Variants in ZCCHC14 observed in about 807,000 individuals in gnomAD.
The protein encoded by ZCCHC14 is zinc finger CCHC-type containing 14.
ZCCHC14 carries 16 observed loss-of-function variants against 85.0 expected under a neutral mutation model. The ratio of observed to expected loss-of-function variants is 0.19; its 90% CI spans 0.13 to 0.29. The LOEUF (loss-of-function observed/expected upper bound fraction) is 0.29. Ranked by LOEUF, ZCCHC14 falls within the 10% of genes least tolerant of loss-of-function variation. The pLI is 1.00. For synonymous variants in ZCCHC14, 775 were observed against 630.7 expected, an observed-to-expected ratio of 1.23 and a Z score of -3.43; for missense variants, 1,303 against 1,443.5, an observed-to-expected ratio of 0.90 and a Z score of 1.58.
At chr16:87,434,894 G>A (rs1433685626) in intron 2 of ZCCHC14, among the ~76,000 whole-genome samples, 1 of 151,100 alleles carries the variant, frequency 6.6e-6, no homozygotes, top group Non-Finnish European at 1.5e-5. Flanking sequence ...GGGAGGCTGA[G>A]GCAGGAGAAT....
intron 1 of ZCCHC14, among the ~76,000 whole-genome samples, chr16:87,477,237 G>GA (rs1255954670): frequency 2.0e-5 from 3 of 150,260 alleles, no homozygotes; most frequent in African/African-American, 7.4e-5. Context: ...ACCTTTAAAT[G>GA]AAAAGAAAAA....
At chr16:87,459,713 T>C (rs749683789) in intron 2 of ZCCHC14, among the ~76,000 whole-genome samples, 1 of 152,122 alleles carries the variant, frequency 6.6e-6, no homozygotes, top group Non-Finnish European at 1.5e-5. Context: ...TTCTTCATGT[T>C]GGTCAGGCTG....
intron 8 of ZCCHC14, among the ~76,000 whole-genome samples, chr16:87,416,642 G>C (rs564771928): frequency 6.6e-6 from 1 of 152,190 alleles, no homozygotes; most frequent in Non-Finnish European, 1.5e-5. Context: ...TGTAATCCCA[G>C]CTATTCAGGA....
intron 1 of ZCCHC14, chr16:87,472,613 A>G (rs1258114949): frequency 2.6e-5 from 4 of 152,416 alleles, no homozygotes; most frequent in Admixed American, 2.6e-4. Context: ...CAGAAGCAAC[A>G]CTGACAGGAC....
Position 87,412,683 on chromosome 16 carries a change from A to T in ZCCHC14, c.2038T>A (p.Ser680Thr). Reference sequence around the variant, plus strand: ...ACTTTCATGCTGCTTCTTGGTCCAGATCCTTTATTCCTTTCTTCTAGAGAC... The same window carrying T: ...ACTTTCATGCTGCTTCTTGGTCCAGTTCCTTTATTCCTTTCTTCTAGAGAC... ...LLSLEERNKG[S>T]GPRSSMKVDK... The change falls in exon 12 of 13, where the codon TCT becomes ACT. Residue 680 changes from serine to threonine, a missense_variant. Transcript: ENST00000671377. 2 of 1,614,200 alleles carry T rather than the reference A, an allele frequency of 1.2e-6. No homozygotes were observed. Among genetic ancestry groups the T allele is most frequent in the Non-Finnish European group, 1.7e-6 (2 of 1,180,040 alleles).
At chr16:87,453,770 G>C (rs927203035) in intron 2 of ZCCHC14, among the ~76,000 whole-genome samples, 6 of 152,210 alleles carry the variant, frequency 3.9e-5, no homozygotes, top group African/African-American at 1.2e-4. Flanking sequence ...TCTAGAATTA[G>C]ACATTCATAA....
At position 87,462,914 on chromosome 16, in the gene ZCCHC14, C is replaced by T. The variant is rs371190303; in HGVS notation, c.571-2783G>A. Among the ~76,000 whole-genome samples the T allele has an allele frequency of 1.7e-4, 25 of 148,690 alleles. No homozygotes were observed. The South Asian group carries it at 2.8e-3, about 17-fold the overall frequency. On this transcript the variant is annotated intron_variant, in intron 1 of 12. Transcript: ENST00000671377. Reference sequence around the variant, plus strand: ...GTGAAACCCGTCTCTACTAAAAATACGAAATTAGCCAGGCATGGTGGCGCA... The same window carrying T: ...GTGAAACCCGTCTCTACTAAAAATATGAAATTAGCCAGGCATGGTGGCGCA...
At chr16:87,421,044 G>A (rs1909069067) in intron 4 of ZCCHC14, among the ~76,000 whole-genome samples, 1 of 152,242 alleles carries the variant, frequency 6.6e-6, no homozygotes, top group Admixed American at 6.5e-5. Context: ...CAGGGCACAA[G>A]GCCCTGGTGG....
intron 2 of ZCCHC14, among the ~76,000 whole-genome samples, chr16:87,442,227 G>C (rs1910220385): frequency 2.0e-5 from 3 of 152,162 alleles, no homozygotes; most frequent in South Asian, 2.1e-4. Context: ...CAAAGGACGA[G>C]GCCAAACAGC....
intron 3 of ZCCHC14, among the ~76,000 whole-genome samples, chr16:87,426,205 A>G (rs2150732968): frequency 6.6e-6 from 1 of 152,274 alleles, no homozygotes; most frequent in East Asian, 1.9e-4. Flanking sequence ...TCACCTGCCG[A>G]CTTGCCCCAG....
intron 1 of ZCCHC14, among the ~76,000 whole-genome samples, chr16:87,486,621 G>A (rs1383283944): frequency 6.6e-6 from 1 of 152,090 alleles, no homozygotes; most frequent in African/African-American, 2.4e-5. Flanking sequence ...ACTTTACTAT[G>A]AAACAGGACA....
intron 2 of ZCCHC14, among the ~76,000 whole-genome samples, chr16:87,450,230 G>C (rs1395734297): frequency 6.6e-6 from 1 of 152,192 alleles, no homozygotes; most frequent in Non-Finnish European, 1.5e-5. Context: ...TTGGAAAACT[G>C]TGTTCTTAAG....
rs912351908 is a variant in ZCCHC14, at chr16:87,492,526, G to A, written c.-288C>T. On this transcript the variant is annotated 5_prime_UTR_variant, in exon 1 of 13. Transcript: ENST00000671377. The surrounding 1 kb of genome is among the most constrained non-coding windows in gnomAD (Gnocchi z 6.7). ...GGCGGCGAGCGGCCTCGGGCCCCCC[G>A]CTCACGGGGAGGCGCCTTCCCCGCG... 21 of 141,752 alleles carry A rather than the reference G, an allele frequency of 1.5e-4. No homozygotes were observed. Among genetic ancestry groups the A allele is most frequent in the Non-Finnish European group, 2.3e-4 (15 of 64,784 alleles). The allele number at this position is 141,752 out of a possible 1,614,324, so 8.8% of individuals were successfully genotyped here. A position where few individuals can be genotyped will look rare whatever the true frequency, so the allele number is the denominator to read the frequency against.
rs778712332 is a variant in ZCCHC14 at position 87,413,190 on chromosome 16, G to A, written c.1609C>T (p.Arg537Trp). ...SGRGSHAAELRVEVEQPHHQL... is the reference protein window; with the variant it reads ...SGRGSHAAELWVEVEQPHHQL... ...TGATGGGGCTGCTCCACTTCCACCCGCAGCTCTGCAGAAAAGGGACAGAGG... is the reference window on the plus strand; with the variant it reads ...TGATGGGGCTGCTCCACTTCCACCCACAGCTCTGCAGAAAAGGGACAGAGG... The change falls in exon 11 of 13, where the codon CGG becomes TGG. Residue 537 changes from arginine to tryptophan, a missense_variant. Physicochemically the swap from Arg to Trp is moderately radical, Grantham distance 101. This residue lies in a region of ZCCHC14 where 58 missense variants were observed against 88.2 expected (regional missense o/e 0.66). Coordinates refer to ENST00000671377, the MANE Select transcript of ZCCHC14 (RefSeq NM_015144.3). The A allele has an allele frequency of 3.2e-6, 5 of 1,559,630 alleles. No homozygotes were observed. The highest frequency in any genetic ancestry group is 4.3e-6 in the Non-Finnish European group (5 of 1,153,846).
chr16:87,462,489 C>T (rs1025740954), intron 1 of ZCCHC14, among the ~76,000 whole-genome samples: 4 of 152,212 alleles, frequency 2.6e-5, no homozygotes, highest in Non-Finnish European at 5.9e-5. Flanking sequence ...GCCTGTAATC[C>T]CAGCACTTTG....
chr16:87,491,168 C>T lies in ZCCHC14; in HGVS notation c.570+501G>A, dbSNP rs1489345015. 3.9e-5 allele frequency among the ~76,000 whole-genome samples: 6 copies of T among 152,366 alleles called. No homozygotes were observed. The highest frequency in any genetic ancestry group is 9.6e-5 in the African/African-American group (4 of 41,596). ...AGCCGGCTAAGTGAAAGGAGGGCACCTGGGACTGTGAGCTCTGACCGCGGA... is the reference window on the plus strand; with the variant it reads ...AGCCGGCTAAGTGAAAGGAGGGCACTTGGGACTGTGAGCTCTGACCGCGGA... On this transcript the variant is annotated intron_variant, in intron 1 of 12. Transcript: ENST00000671377. The surrounding 1 kb of genome is among the most constrained non-coding windows in gnomAD (Gnocchi z 5.9).
At chr16:87,426,359 T>C (rs757811046) in intron 3 of ZCCHC14, among the ~76,000 whole-genome samples, 7 of 152,190 alleles carry the variant, frequency 4.6e-5, no homozygotes, top group Non-Finnish European at 1.0e-4. Flanking sequence ...TTACTTTACA[T>C]TTCACCAAGA....
intron 2 of ZCCHC14, among the ~76,000 whole-genome samples, chr16:87,455,900 G>A (rs1910934132): frequency 6.6e-6 from 1 of 152,234 alleles, no homozygotes; most frequent in South Asian, 2.1e-4. Context: ...GCAGGCTAAT[G>A]CAAGCGTTCT....
chr16:87,489,892 A>C (rs939262691), intron 1 of ZCCHC14, among the ~76,000 whole-genome samples: 1 of 152,240 alleles, frequency 6.6e-6, no homozygotes, highest in African/African-American at 2.4e-5. Flanking sequence ...AGATGACGTT[A>C]CTGTAGCAAC....
Sources: allele counts gnomAD v4.1 joint callset (sites outside exome capture counted in the v4.1 genomes callset), GRCh38; gene constraint gnomAD v4.1.1; regional missense constraint gnomAD v4.1.1; non-coding constraint Gnocchi (gnomAD v3.1); transcripts MANE v1.5; gene names NCBI Gene and HGNC (gene_info 2026-07-23, HGNC 2026-07-21).